Variants in FAM168A observed in about 807,000 individuals in gnomAD.
FAM168A encodes protein FAM168A.
In FAM168A, 3 loss-of-function variants were observed where a neutral mutation model predicts 28.5. That is an observed-to-expected ratio of 0.11 (90% CI 0.05 to 0.27). FAM168A has a LOEUF of 0.27. FAM168A is among the 10% of genes least tolerant of loss of function. FAM168A has a pLI of 1.00. For synonymous variants in FAM168A, 122 were observed against 124.2 expected (o/e 0.98, Z 0.12); for missense variants, 222 against 311.5 (o/e 0.71, Z 2.16).
intron 2 of FAM168A, among the ~76,000 whole-genome samples, chr11:73,434,803 G>A (rs1047231805): frequency 2.6e-5 from 4 of 152,178 alleles, no homozygotes; most frequent in African/African-American, 4.8e-5. Context: ...GACTATAAGC[G>A]GGTAGAGAAG....
At chr11:73,535,100 A>G (rs771012483) in intron 1 of FAM168A, among the ~76,000 whole-genome samples, 1 of 152,220 alleles carries the variant, frequency 6.6e-6, no homozygotes, top group Non-Finnish European at 1.5e-5. Flanking sequence ...CACATAGCCC[A>G]GGCAAATCAT....
chr11:73,567,007 G>T (rs1473425920), intron 1 of FAM168A, among the ~76,000 whole-genome samples: 1 of 152,182 alleles, frequency 6.6e-6, no homozygotes. Flanking sequence ...CAGTTTAACA[G>T]CGTATAGTTA....
chr11:73,499,808 T>G (rs1001709991), intron 1 of FAM168A, among the ~76,000 whole-genome samples: 2 of 151,430 alleles, frequency 1.3e-5, no homozygotes, highest in Non-Finnish European at 2.9e-5. Context: ...AAATAAGACA[T>G]GCAGACAAAA....
intron 1 of FAM168A, among the ~76,000 whole-genome samples, chr11:73,526,544 ACTT>A (rs1444743296): frequency 2.0e-5 from 3 of 152,146 alleles, no homozygotes; most frequent in African/African-American, 7.2e-5. Flanking sequence ...AGAGTAGCTA[ACTT>A]GCTTATCTTA....
chr11:73,595,920 G>C (rs1171378090), intron 1 of FAM168A, among the ~76,000 whole-genome samples: 1 of 152,256 alleles, frequency 6.6e-6, no homozygotes, highest in East Asian at 1.9e-4. Context: ...AACTCCATCA[G>C]TACCAAACCA....
In FAM168A at chr11:73,402,488, A is replaced by C. The variant is rs1236794392; in HGVS notation, c.*4275T>G. On this transcript the variant is annotated 3_prime_UTR_variant, in exon 8 of 8. Coordinates refer to ENST00000356467, the MANE Select transcript of FAM168A (RefSeq NM_015159.3). Reference sequence around the variant, plus strand: ...AAGCCCTCCAAAGAAGGACCCCCAGATCTCTGGGAACGGGGTACCTCAAAC... The same window carrying C: ...AAGCCCTCCAAAGAAGGACCCCCAGCTCTCTGGGAACGGGGTACCTCAAAC... 6.6e-6 allele frequency: 1 copy of C among 152,186 alleles called. No homozygotes were observed. The highest frequency in any genetic ancestry group is 2.4e-5 in the African/African-American group (1 of 41,444). 9.4% of individuals were successfully genotyped at this position (152,186 alleles called of 1,614,324 possible).
At chr11:73,441,720 T>G (rs1351587722) in intron 2 of FAM168A, among the ~76,000 whole-genome samples, 1 of 152,244 alleles carries the variant, frequency 6.6e-6, no homozygotes, top group Non-Finnish European at 1.5e-5. Context: ...TTCTATTTCT[T>G]CACGAGTCGG....
rs10568027 is a variant in FAM168A, at chr11:73,574,718, A to AT, written c.-19+23204dup. Among the ~76,000 whole-genome samples, 778 of 88,632 alleles carry AT rather than the reference A, an allele frequency of 8.8e-3. 7 individuals are homozygous for AT. Among genetic ancestry groups the AT allele is most frequent in the Middle Eastern group, 0.027 (5 of 184 alleles). The allele number at this position is 88,632 out of a possible 152,430, so 58.1% of individuals were successfully genotyped here. On this transcript the variant is annotated intron_variant, in intron 1 of 7. Transcript: ENST00000356467. Reference sequence around the variant, plus strand: ...GCTGGGATGTGCCACTACACCTGGCATTTTTTTTTTTTTTTTTTTTTTTTT... The same window carrying AT: ...GCTGGGATGTGCCACTACACCTGGCATTTTTTTTTTTTTTTTTTTTTTTTTT...
At chr11:73,588,093 C>T (rs374558873) in intron 1 of FAM168A, among the ~76,000 whole-genome samples, 4 of 152,120 alleles carry the variant, frequency 2.6e-5, no homozygotes, top group African/African-American at 9.7e-5. Flanking sequence ...CAAGAATTGT[C>T]TCAAAGAAAA....
chr11:73,532,659 A>G (rs565128861), intron 1 of FAM168A, among the ~76,000 whole-genome samples: 1 of 152,338 alleles, frequency 6.6e-6, no homozygotes, highest in African/African-American at 2.4e-5. Context: ...GAGAATTCCA[A>G]TCAGCTGAAA....
At chr11:73,596,349 T>G (rs1408649539) in intron 1 of FAM168A, among the ~76,000 whole-genome samples, 1 of 152,198 alleles carries the variant, frequency 6.6e-6, no homozygotes, top group African/African-American at 2.4e-5. Flanking sequence ...CATTCCAGTT[T>G]ATCTTCTCCC....
At chr11:73,452,652 G>T (rs1168557277) in intron 2 of FAM168A, among the ~76,000 whole-genome samples, 1 of 152,036 alleles carries the variant, frequency 6.6e-6, no homozygotes, top group East Asian at 1.9e-4. Flanking sequence ...TTTTCTCTAG[G>T]GGTGGGAAGC....
intron 1 of FAM168A, among the ~76,000 whole-genome samples, chr11:73,554,293 C>T (rs1036141380): frequency 6.6e-6 from 1 of 150,858 alleles, no homozygotes; most frequent in Non-Finnish European, 1.5e-5. Context: ...CAGAAGATCT[C>T]GAGCCCAGGA....
At chr11:73,493,474 G>T (rs1854799934) in intron 1 of FAM168A, among the ~76,000 whole-genome samples, 1 of 152,190 alleles carries the variant, frequency 6.6e-6, no homozygotes, top group Non-Finnish European at 1.5e-5. Context: ...CAGCAGTGGT[G>T]CAATCTCAGC....
At chr11:73,549,685 GA>G (rs1333282209) in intron 1 of FAM168A, among the ~76,000 whole-genome samples, 2 of 152,310 alleles carry the variant, frequency 1.3e-5, no homozygotes, top group Admixed American at 1.3e-4. Context: ...GGGTAACACA[GA>G]GCTTGTTCTA....
At chr11:73,407,728 G>C in intron 6 of FAM168A, 85 bp from the exon 7 acceptor site, 1 of 1,134,502 alleles carries the variant, frequency 8.8e-7, no homozygotes, top group Non-Finnish European at 1.3e-6. Context: ...TCTTTCACAT[G>C]GCTGCTCCCT....
chr11:73,512,606 G>GA (rs1023951616), intron 1 of FAM168A, among the ~76,000 whole-genome samples: 263 of 145,600 alleles, frequency 1.8e-3, no homozygotes, highest in Middle Eastern at 0.01. Flanking sequence ...TATTAAAAAA[G>GA]AAAAAAAAAA....
chr11:73,407,986 G>A (rs905287790), intron 6 of FAM168A, among the ~76,000 whole-genome samples: 1 of 152,128 alleles, frequency 6.6e-6, no homozygotes, highest in African/African-American at 2.4e-5. Context: ...ATTCTCCCGC[G>A]TCAGCCTCCT....
At chr11:73,480,342 C>T (rs563353930) in intron 1 of FAM168A, among the ~76,000 whole-genome samples, 1 of 151,926 alleles carries the variant, frequency 6.6e-6, no homozygotes, top group East Asian at 1.9e-4. Context: ...AAAACCACAA[C>T]AAAATTATCT....
Sources: allele counts gnomAD v4.1 joint callset (sites outside exome capture counted in the v4.1 genomes callset), GRCh38; gene constraint gnomAD v4.1.1; transcripts MANE v1.5; gene names NCBI Gene and HGNC (gene_info 2026-07-23, HGNC 2026-07-21).